The following DICER1 variants were observed in gnomAD, a reference collection of about 807,000 sequenced individuals.
DICER1 encodes dicer 1, ribonuclease III.
Under a neutral mutation model 194.1 loss-of-function variants are expected in DICER1, and 43 were observed. The observed-to-expected ratio is 0.22, with a 90% confidence interval of 0.17 to 0.29. The LOEUF is 0.29. DICER1 is among the 10% of genes least tolerant of loss of function. The pLI is 1.00. For synonymous variants in DICER1, 832 were observed against 820.5 expected (o/e 1.01, Z -0.24); for missense variants, 1,608 against 2,317.0 (o/e 0.69, Z 6.28).
rs746674986 is a variant in DICER1, at chr14:95,103,727, G to A, written c.3669C>T (p.Tyr1223=). 6 of 1,614,190 alleles carry A rather than the reference G, an allele frequency of 3.7e-6. No homozygotes were observed. The highest frequency in any genetic ancestry group is 1.6e-4 in the Middle Eastern group (1 of 6,062). Residue 1223 remains tyrosine (Y), a synonymous_variant, in exon 21 of 27, where the codon TAC becomes TAT. Coordinates refer to ENST00000343455, the MANE Select transcript of DICER1 (RefSeq NM_177438.3). ...PTTSYSIQNL[Y]SYENQPQPSD... is the part of the protein sequence containing the mutation. The stretch of plus-strand genomic sequence containing the variant: ...TGGGCTGGGGCTGGTTCTCGTAACT[G>A]TATAAATTCTGAATGGAATATGAGG...
At chr14:95,097,539 A>C (rs1344820000) in intron 22 of DICER1, among the ~76,000 whole-genome samples, 5 of 152,240 alleles carry the variant, frequency 3.3e-5, no homozygotes, top group African/African-American at 1.2e-4. Flanking sequence ...TGTGAGTGAC[A>C]ACCTTAATAA....
chr14:95,092,727 AAAAG>A (rs1474572016), intron 24 of DICER1, among the ~76,000 whole-genome samples: 1 of 152,244 alleles, frequency 6.6e-6, no homozygotes. Flanking sequence ...AAAGGGAAGG[AAAAG>A]AATGAACAAA....
intron 8 of DICER1, among the ~76,000 whole-genome samples, chr14:95,119,250 T>C (rs893036814): frequency 6.6e-6 from 1 of 152,204 alleles, no homozygotes; most frequent in African/African-American, 2.4e-5. Flanking sequence ...CAGACTTCAA[T>C]TAGCTAAGAA....
rs1270338113 is a variant in DICER1 at position 95,115,751 on chromosome 14, T to C, written c.1823A>G (p.Asp608Gly). Residue 608 changes from aspartate to glycine, a missense_variant, in exon 11 of 27, where the codon GAT becomes GGT. Asp to Gly is a moderately conservative substitution (Grantham distance 94). Coordinates refer to ENST00000343455, the MANE Select transcript of DICER1 (RefSeq NM_177438.3). The stretch of plus-strand genomic sequence containing the variant: ...CAACACATATGGTGGGAAAACGTCA[T>C]CATCATCCATGACAGGATCAATGTC... The part of the protein sequence containing the change: ...ETDIDPVMDD[D>G]DVFPPYVLRP... The C allele has an allele frequency of 4.3e-6, 7 of 1,614,034 alleles. No individual in the cohort carries two copies. The highest frequency in any genetic ancestry group is 1.1e-5 in the South Asian group (1 of 91,090).
chr14:95,130,040 C>T lies in DICER1; in HGVS notation c.573+18G>A, dbSNP rs772171751. On this transcript the variant is annotated intron_variant, in intron 5 of 26. Transcript: ENST00000343455. ...AATAGTTTACCAAGAATTACTAAGACTTAGGTCTAAAACTTACCTTCATAA... is the reference window on the plus strand; with the variant it reads ...AATAGTTTACCAAGAATTACTAAGATTTAGGTCTAAAACTTACCTTCATAA... The T allele has an allele frequency of 1.2e-6, 2 of 1,611,468 alleles. No homozygotes were observed. The highest frequency in any genetic ancestry group is 2.7e-5 in the African/African-American group (2 of 74,852).
At chr14:95,102,953 G>A (rs1310987194) in intron 21 of DICER1, among the ~76,000 whole-genome samples, 1 of 152,158 alleles carries the variant, frequency 6.6e-6, no homozygotes, top group Non-Finnish European at 1.5e-5. Flanking sequence ...AAGCCAAGAC[G>A]TACCCTCTCA....
In DICER1 at chr14:95,104,124, T is replaced by A. The variant is rs1442769827; in HGVS notation, c.3272A>T (p.Tyr1091Phe). 1 of 1,611,208 alleles carries A rather than the reference T, an allele frequency of 6.2e-7. No homozygotes were observed. Among genetic ancestry groups the A allele is most frequent in the East Asian group, 2.2e-5 (1 of 44,872 alleles). Residue 1091 changes from tyrosine to phenylalanine, a missense_variant and splice_region_variant, in exon 21 of 27, where the codon TAC (tyrosine) becomes TTC (phenylalanine). Tyr to Phe is a conservative substitution (Grantham distance 22, BLOSUM62 3). This residue lies in a region of DICER1 where 79 missense variants were observed against 176.1 expected (regional missense o/e 0.45). Coordinates refer to ENST00000343455, the MANE Select transcript of DICER1 (RefSeq NM_177438.3). ...GVRSLPADFRYPNLDFGWKKS... is the reference protein window; with the variant it reads ...GVRSLPADFRFPNLDFGWKKS... The stretch of plus-strand genomic sequence containing the variant: ...TTTCCACCCGAAGTCTAAGTTAGGG[T>A]ATCTGCAAAGACATTTTTATAACTT...
chr14:95,117,013 A>G (rs1192308577), intron 9 of DICER1, among the ~76,000 whole-genome samples: 1 of 152,224 alleles, frequency 6.6e-6, no homozygotes, highest in Non-Finnish European at 1.5e-5. Context: ...AAAAAGCTAC[A>G]ATGTAGAAAA....
intron 1 of DICER1, among the ~76,000 whole-genome samples, chr14:95,143,691 C>T (rs755746598): frequency 5.9e-5 from 9 of 152,152 alleles, no homozygotes; most frequent in Non-Finnish European, 1.2e-4. Flanking sequence ...CCTTTAGTGA[C>T]TGCCTGTGAT....
At chr14:95,093,449 C>T (rs1890026415) in intron 24 of DICER1, among the ~76,000 whole-genome samples, 1 of 152,194 alleles carries the variant, frequency 6.6e-6, no homozygotes. Flanking sequence ...TTTCCCACTT[C>T]AAGTAGAAGC....
chr14:95,109,517 AACC>A (rs1333786701), intron 14 of DICER1, among the ~76,000 whole-genome samples: 2 of 152,190 alleles, frequency 1.3e-5, no homozygotes, highest in African/African-American at 4.8e-5. Context: ...CACAGGTGTG[AACC>A]ACCACACCCA....
intron 1 of DICER1, chr14:95,141,121 G>A (rs371172593): frequency 1.3e-5 from 2 of 151,974 alleles, no homozygotes; most frequent in Non-Finnish European, 2.9e-5. Context: ...TCACATAAAC[G>A]AAAGAAATAA....
rs1486689185 is a variant in DICER1, at chr14:95,103,867, C to A, written c.3529G>T (p.Gly1177Cys). 5.6e-6 allele frequency: 9 copies of A among 1,614,012 alleles called. No homozygotes were observed. In the South Asian group the frequency reaches 9.9e-5, roughly 18 times the overall value. Residue 1177 changes from glycine to cysteine, a missense_variant, in exon 21 of 27, where the codon GGT becomes TGT. Physicochemically the swap from Gly to Cys is radical, Grantham distance 159. Transcript: ENST00000343455. The stretch of plus-strand genomic sequence containing the variant: ...GCGAGATTTTGATTGTAAGAAAGAC[C>A]ATTAATTGCTGTAAGATCTGCTGAA... The part of the protein sequence containing the change: ...EVSADLTAIN[G>C]LSYNQNLANG...
intron 1 of DICER1, among the ~76,000 whole-genome samples, chr14:95,152,797 A>G (rs1895597308): frequency 6.6e-6 from 1 of 152,274 alleles, no homozygotes; most frequent in African/African-American, 2.4e-5. Flanking sequence ...GCTTTATTAC[A>G]TAACTGAAAA....
intron 6 of DICER1, among the ~76,000 whole-genome samples, chr14:95,127,809 T>C (rs1027009777): frequency 4.5e-4 from 69 of 152,344 alleles, no homozygotes; most frequent in African/African-American, 1.5e-3. Context: ...TCATTATTAT[T>C]AGTTTGTTTT....
chr14:95,129,922 T>TATTC lies in DICER1; in HGVS notation c.573+132_573+135dup, dbSNP rs1186595921. 6 of 745,548 alleles carry TATTC rather than the reference T, an allele frequency of 8.0e-6. No homozygotes were observed. In the African/African-American group the frequency reaches 8.9e-5, roughly 11 times the overall value. The allele number at this position is 745,548 out of a possible 1,614,324, so 46.2% of individuals were successfully genotyped here. A position where few individuals can be genotyped will look rare whatever the true frequency, so the allele number is the denominator to read the frequency against. ...TAGATTTAAATGAACATTAATTTAA[T>TATTC]ATTCATTCATTCATACACTGCAGCC... is the stretch of plus-strand genomic sequence containing the variant. On this transcript the variant is annotated intron_variant, in intron 5 of 26. Transcript: ENST00000343455.
At chr14:95,133,653 T>A in intron 1 of DICER1, 150 bp from the exon 2 acceptor site, 1 of 661,492 alleles carries the variant, frequency 1.5e-6, no homozygotes, top group Non-Finnish European at 2.6e-6. Context: ...TCTAAGAGGA[T>A]CATTTTAGGA....
chr14:95,110,428 GCA>G (rs938096576), intron 14 of DICER1, among the ~76,000 whole-genome samples: 9 of 152,296 alleles, frequency 5.9e-5, no homozygotes, highest in African/African-American at 2.2e-4. Flanking sequence ...CACCTGATGT[GCA>G]CAGTTTTGGG....
At chr14:95,102,630 G>C (rs1328771357) in intron 21 of DICER1, among the ~76,000 whole-genome samples, 1 of 152,210 alleles carries the variant, frequency 6.6e-6, no homozygotes, top group African/African-American at 2.4e-5. Flanking sequence ...TGCTGCAAGT[G>C]ATCAGCAGCT....
Sources: allele counts gnomAD v4.1 joint callset (sites outside exome capture counted in the v4.1 genomes callset), GRCh38; gene constraint gnomAD v4.1.1; regional missense constraint gnomAD v4.1.1; transcripts MANE v1.5; gene names NCBI Gene and HGNC (gene_info 2026-07-23, HGNC 2026-07-21).